Variants in GPM6A observed in about 807,000 individuals in gnomAD.
GPM6A encodes the protein glycoprotein M6A, also known as neuronal membrane glycoprotein M6-a.
Under a neutral mutation model 32.1 loss-of-function variants are expected in GPM6A, and 7 were observed. That is an observed-to-expected ratio of 0.22 (90% CI 0.12 to 0.41). The LOEUF (loss-of-function observed/expected upper bound fraction) is 0.41, where lower values mean the gene tolerates loss of function less well. Ranked by LOEUF, GPM6A falls within the 10% of genes least tolerant of loss-of-function variation. The pLI is 1.00. For synonymous variants in GPM6A, 130 were observed against 123.4 expected (o/e 1.05, Z -0.35); for missense variants, 235 against 347.2 (o/e 0.68, Z 2.57).
At chr4:175,803,280 A>G (rs1444008233) in intron 1 of GPM6A, among the ~76,000 whole-genome samples, 4 of 152,126 alleles carry the variant, frequency 2.6e-5, no homozygotes, top group Non-Finnish European at 5.9e-5. Context: ...TTTACCCTTC[A>G]GGAATTTGTA....
chr4:175,634,689 A>T lies in GPM6A; in HGVS notation c.*216T>A. 2.1e-6 allele frequency: 1 copy of T among 476,194 alleles called. No individual in the cohort carries two copies. The highest frequency in any genetic ancestry group is 5.3e-4 in the Middle Eastern group (1 of 1,884). The allele number at this position is 476,194 out of a possible 1,614,324, so 29.5% of individuals were successfully genotyped here. A position where few individuals can be genotyped will look rare whatever the true frequency, so the allele number is the denominator to read the frequency against. ...TGAGAAATTTCAAAAAAAAGGCTGG[A>T]TAGGAGCTTGTAGAAAAGATCTGAT... On this transcript the variant is annotated 3_prime_UTR_variant, in exon 7 of 7. Coordinates refer to ENST00000393658, the MANE Select transcript of GPM6A (RefSeq NM_201591.3).
chr4:175,887,197 G>C (rs1338642187), intron 1 of GPM6A, among the ~76,000 whole-genome samples: 1 of 151,840 alleles, frequency 6.6e-6, no homozygotes, highest in East Asian at 1.9e-4. Context: ...CATAAACTAA[G>C]TCACAACAGC....
intron 3 of GPM6A, among the ~76,000 whole-genome samples, chr4:175,669,483 T>C (rs1370593211): frequency 1.3e-5 from 2 of 152,268 alleles, no homozygotes; most frequent in Admixed American, 6.5e-5. Context: ...TCTGCAATGC[T>C]CCAATGAACA....
intron 1 of GPM6A, among the ~76,000 whole-genome samples, chr4:175,707,687 C>T (rs190599766): frequency 4.6e-5 from 7 of 151,232 alleles, no homozygotes; most frequent in South Asian, 2.1e-4. Context: ...TATTGTCTTA[C>T]GCTATTGGAT....
In GPM6A at chr4:175,649,064, C is replaced by T. The variant is rs150712743; in HGVS notation, c.541+2770G>A. On this transcript the variant is annotated intron_variant, in intron 4 of 6. Coordinates refer to ENST00000393658, the MANE Select transcript of GPM6A (RefSeq NM_201591.3). ...CTAAAAATTGTATTGGAAAAGCTGTCGAGTAGAAAATAATTGTGCTAAGAT... is the reference window on the plus strand; with the variant it reads ...CTAAAAATTGTATTGGAAAAGCTGTTGAGTAGAAAATAATTGTGCTAAGAT... Among the ~76,000 whole-genome samples the T allele has an allele frequency of 2.8e-4, 43 of 152,238 alleles. No individual in the cohort carries two copies. In the East Asian group the frequency reaches 6.4e-3, roughly 23 times the overall value.
At chr4:175,790,532 A>G (rs1733971431) in intron 1 of GPM6A, 1 of 152,180 alleles carries the variant, frequency 6.6e-6, no homozygotes. Flanking sequence ...TTCTATCAAA[A>G]ATGCCTGAAG....
chr4:175,969,566 C>T (rs527394473), intron 1 of GPM6A, among the ~76,000 whole-genome samples: 15 of 152,184 alleles, frequency 9.9e-5, no homozygotes, highest in African/African-American at 3.1e-4. Context: ...AAAAAATTAT[C>T]TGGGCGTGGT....
intron 1 of GPM6A, among the ~76,000 whole-genome samples, chr4:175,859,243 T>G (rs1736503712): frequency 6.6e-6 from 1 of 152,198 alleles, no homozygotes; most frequent in African/African-American, 2.4e-5. Flanking sequence ...GTCAATCATC[T>G]TTCAATAAAG....
chr4:175,858,393 G>A (rs1224125181), intron 1 of GPM6A, among the ~76,000 whole-genome samples: 1 of 151,954 alleles, frequency 6.6e-6, no homozygotes, highest in African/African-American at 2.4e-5. Flanking sequence ...TTAGCTGGGT[G>A]TGGTGGTGGG....
intron 1 of GPM6A, among the ~76,000 whole-genome samples, chr4:175,859,950 TG>T (rs2111417989): frequency 6.6e-6 from 1 of 152,218 alleles, no homozygotes; most frequent in African/African-American, 2.4e-5. Context: ...AAAGGACACA[TG>T]GGTCAAAAAT....
At chr4:175,673,868 TA>T in intron 2 of GPM6A, 32 bp from the exon 3 acceptor site, 1 of 1,481,576 alleles carries the variant, frequency 6.7e-7, no homozygotes, top group Non-Finnish European at 9.4e-7. Flanking sequence ...TTTATTTCAA[TA>T]ACTTTTCATT....
intron 1 of GPM6A, among the ~76,000 whole-genome samples, chr4:175,984,443 A>G (rs930901133): frequency 1.5e-4 from 23 of 152,226 alleles, no homozygotes; most frequent in South Asian, 8.3e-4. Context: ...GATAACAGGC[A>G]TGAGCCACCG....
At chr4:175,908,462 G>T (rs1489845035) in intron 1 of GPM6A, among the ~76,000 whole-genome samples, 1 of 151,904 alleles carries the variant, frequency 6.6e-6, no homozygotes, top group Non-Finnish European at 1.5e-5. Flanking sequence ...CATTCCCCTG[G>T]CTTTAATTTG....
At chr4:175,912,736 C>T (rs1457135642) in intron 1 of GPM6A, among the ~76,000 whole-genome samples, 1 of 152,140 alleles carries the variant, frequency 6.6e-6, no homozygotes, top group Non-Finnish European at 1.5e-5. Context: ...TGGAAATTCA[C>T]ATCAACTGTC....
intron 1 of GPM6A, among the ~76,000 whole-genome samples, chr4:175,842,451 G>A (rs1480687760): frequency 6.6e-6 from 1 of 152,220 alleles, no homozygotes; most frequent in Non-Finnish European, 1.5e-5. Context: ...AAAATAAACA[G>A]GCTGGCCATG....
chr4:175,634,874 T>C lies in GPM6A; in HGVS notation c.*31A>G, dbSNP rs1019980354. 25 of 1,599,616 alleles carry C rather than the reference T, an allele frequency of 1.6e-5. No homozygotes were observed. Among genetic ancestry groups the C allele is most frequent in the Non-Finnish European group, 2.1e-5 (24 of 1,168,858 alleles). On this transcript the variant is annotated 3_prime_UTR_variant, in exon 7 of 7. Transcript: ENST00000393658. ...TGGCCCTTAGTTAAACACCAATGCA[T>C]TCAAATGGTAGAAAGAACAGGAAGA...
At chr4:175,944,986 T>G (rs552972418) in intron 1 of GPM6A, among the ~76,000 whole-genome samples, 8 of 152,278 alleles carry the variant, frequency 5.3e-5, no homozygotes, top group African/African-American at 1.7e-4. Context: ...TCAAGTGGTA[T>G]GAGAAATAAT....
intron 1 of GPM6A, among the ~76,000 whole-genome samples, chr4:175,961,016 A>G (rs560355088): frequency 6.0e-4 from 91 of 152,360 alleles, no homozygotes; most frequent in Middle Eastern, 6.8e-3. Context: ...TCTATGTTAC[A>G]CAATAATATT....
At chr4:175,838,753 A>C (rs1198791785) in intron 1 of GPM6A, among the ~76,000 whole-genome samples, 4 of 145,480 alleles carry the variant, frequency 2.7e-5, no homozygotes, top group Non-Finnish European at 6.0e-5. Context: ...CTCCTGATTC[A>C]GGCGATTCTC....
Sources: gnomAD v4.1 joint callset for allele counts (sites outside exome capture counted in the v4.1 genomes callset) on GRCh38, gnomAD v4.1.1 for gene constraint, MANE v1.5 for transcripts, NCBI Gene and HGNC (gene_info 2026-07-23, HGNC 2026-07-21) for gene names.